The following GLDC variants were observed in gnomAD, a reference collection of about 807,000 sequenced individuals.
The protein encoded by GLDC is glycine decarboxylase.
GLDC carries 104 observed loss-of-function variants against 121.3 expected under a neutral mutation model. The observed-to-expected ratio is 0.86, with a 90% confidence interval of 0.73 to 1.01. The LOEUF (loss-of-function observed/expected upper bound fraction) is 1.01, where lower values mean the gene tolerates loss of function less well. Among genes scored for constraint, GLDC ranks in the 50% least tolerant of loss-of-function variants. The probability of loss-of-function intolerance (pLI) is 0.00; values close to 1 mark genes in which losing one functional copy is unlikely to be tolerated. For synonymous variants in GLDC, 546 were observed against 480.6 expected (o/e 1.14, Z -1.78); for missense variants, 1,429 against 1,306.6 (o/e 1.09, Z -1.44).
At chr9:6,534,613 G>T in intron 24 of GLDC, 95 bp downstream of exon 24, 1 of 733,052 alleles carries the variant, frequency 1.4e-6, no homozygotes, top group Non-Finnish European at 2.5e-6. Context: ...CCCCACATAT[G>T]GTTTCTGTAA....
At position 6,604,720 on chromosome 9, in the gene GLDC, C is replaced by A. The variant is rs750925978; in HGVS notation, c.926G>T (p.Gly309Val). The A allele has an allele frequency of 1.1e-5, 18 of 1,614,144 alleles. No homozygotes were observed. The East Asian group carries it at 3.1e-4, about 28-fold the overall frequency. ...LCILRPPGEF[G>V]VDIALGSSQR... is the part of the protein sequence containing the mutation. The stretch of plus-strand genomic sequence containing the variant: ...GGAGCTGCCCAGGGCGATGTCTACC[C>A]CAAATTCTCCAGGTGGCCTCAAGAT... Residue 309 changes from glycine (G) to valine (V), a missense_variant, in exon 7 of 25, where the codon GGG becomes GTG. By Grantham distance (109) the Gly-to-Val change is moderately radical. Coordinates refer to ENST00000321612, the MANE Select transcript of GLDC (RefSeq NM_000170.3).
chr9:6,585,604 C>T (rs1818253479), intron 15 of GLDC, among the ~76,000 whole-genome samples: 1 of 152,058 alleles, frequency 6.6e-6, no homozygotes, highest in Non-Finnish European at 1.5e-5. Context: ...AATGGCTTTG[C>T]TGTGTAGTCT....
At chr9:6,600,122 T>C (rs1818575045) in intron 8 of GLDC, among the ~76,000 whole-genome samples, 1 of 152,124 alleles carries the variant, frequency 6.6e-6, no homozygotes, top group Non-Finnish European at 1.5e-5. Flanking sequence ...ATCCTATCAC[T>C]ATGGGAGGCC....
At chr9:6,554,864 G>A (rs1817587751) in intron 18 of GLDC, 83 bp from the exon 19 acceptor site, 3 of 966,432 alleles carry the variant, frequency 3.1e-6, no homozygotes, top group Non-Finnish European at 4.9e-6. Context: ...GGCCGGTGCT[G>A]CCTTCTCCCC....
intron 7 of GLDC, 32 bp downstream of exon 7, chr9:6,604,556 C>T (rs1818690692): frequency 1.3e-6 from 2 of 1,561,596 alleles, no homozygotes; most frequent in Middle Eastern, 2.3e-4. Context: ...ATCATAATCA[C>T]AATAAAAGTA....
In GLDC at chr9:6,644,946, G is replaced by A. The variant is rs113238101; in HGVS notation, c.256-254C>T. On this transcript the variant is annotated intron_variant, in intron 1 of 24. Transcript: ENST00000321612. ...TAACCGGTAAGCCCACTCTTAATCA[G>A]GGGGTCTTCCTCCTCTTGCAAAGTT... The A allele has an allele frequency of 6.6e-6, 4 of 608,892 alleles. No homozygotes were observed. The East Asian group carries it at 8.2e-5, about 12-fold the overall frequency. 37.7% of individuals were successfully genotyped at this position (608,892 alleles called of 1,614,324 possible). A position where few individuals can be genotyped will look rare whatever the true frequency, so the allele number is the denominator to read the frequency against.
At chr9:6,622,317 A>G (rs911374083) in intron 2 of GLDC, among the ~76,000 whole-genome samples, 2 of 143,280 alleles carry the variant, frequency 1.4e-5, no homozygotes, top group African/African-American at 2.6e-5. Flanking sequence ...TGCTGCTGCC[A>G]TCTTGGCTCA....
chr9:6,564,187 G>A (rs1340385356), intron 16 of GLDC, among the ~76,000 whole-genome samples: 1 of 151,452 alleles, frequency 6.6e-6, no homozygotes, highest in Non-Finnish European at 1.5e-5. Flanking sequence ...GGCAGAGGTT[G>A]CAATGAGCCG....
intron 8 of GLDC, among the ~76,000 whole-genome samples, chr9:6,596,406 A>G (rs1423052879): frequency 6.6e-6 from 1 of 152,192 alleles, no homozygotes; most frequent in Non-Finnish European, 1.5e-5. Context: ...TAAAATAGAG[A>G]CCAAGAAAAT....
At chr9:6,583,295 C>T (rs559958400) in intron 15 of GLDC, among the ~76,000 whole-genome samples, 25 of 152,016 alleles carry the variant, frequency 1.6e-4, no homozygotes, top group African/African-American at 5.1e-4. Context: ...TCACTATAGC[C>T]GAAAGGATGG....
At chr9:6,633,493 A>G (rs190759115) in intron 2 of GLDC, among the ~76,000 whole-genome samples, 2 of 152,316 alleles carry the variant, frequency 1.3e-5, no homozygotes, top group African/African-American at 4.8e-5. Flanking sequence ...CTGCTCAAGC[A>G]AGACCCAATC....
At chr9:6,583,254 A>T (rs1181271767) in intron 15 of GLDC, among the ~76,000 whole-genome samples, 1 of 152,202 alleles carries the variant, frequency 6.6e-6, no homozygotes, top group African/African-American at 2.4e-5. Flanking sequence ...ACTCAACTAG[A>T]TACTTGTACA....
At position 6,554,721 on chromosome 9, in the gene GLDC, T is replaced by A; in HGVS notation, c.2263A>T (p.Thr755Ser). 2 of 1,613,186 alleles carry A rather than the reference T, an allele frequency of 1.2e-6. No individual in the cohort carries two copies. ...SDVSHLNLHK[T>S]FCIPHGGGGP... ...CCTCCTCCGTGGGGAATGCAGAAGG[T>A]CTTGTGAAGATTTAGGTGCGAGACA... is the stretch of plus-strand genomic sequence containing the variant. Residue 755 changes from threonine (T) to serine (S), a missense_variant, in exon 19 of 25, where the codon ACC becomes TCC. By Grantham distance (58) the Thr-to-Ser change is moderately conservative. Coordinates refer to ENST00000321612, the MANE Select transcript of GLDC (RefSeq NM_000170.3).
intron 15 of GLDC, among the ~76,000 whole-genome samples, chr9:6,576,940 G>A (rs1460856430): frequency 6.6e-6 from 1 of 152,138 alleles, no homozygotes; most frequent in Non-Finnish European, 1.5e-5. Flanking sequence ...ACATAACAGA[G>A]CCTTAAAAAC....
chr9:6,636,683 C>T (rs1255130862), intron 2 of GLDC, among the ~76,000 whole-genome samples: 6 of 151,722 alleles, frequency 4.0e-5, no homozygotes, highest in South Asian at 2.1e-4. Flanking sequence ...GGCTGAAGTG[C>T]GAGATCACTT....
intron 3 of GLDC, among the ~76,000 whole-genome samples, chr9:6,618,488 G>T (rs1169592721): frequency 1.3e-5 from 2 of 152,212 alleles, no homozygotes; most frequent in East Asian, 3.9e-4. Flanking sequence ...TGTATTTTTA[G>T]TAGAGACAGG....
intron 17 of GLDC, 76 bp downstream of exon 17, chr9:6,558,483 T>C: frequency 2.7e-6 from 4 of 1,504,506 alleles, no homozygotes; most frequent in Non-Finnish European, 3.7e-6. Context: ...GACATTTACA[T>C]AATCCATCAA....
rs386833575 is a variant in GLDC at position 6,534,707 on chromosome 9, C to G, written c.2919+1G>C. On this transcript the variant is annotated splice_donor_variant, in intron 24 of 24. Coordinates refer to ENST00000321612, the MANE Select transcript of GLDC (RefSeq NM_000170.3). LOFTEE classifies it high-confidence loss of function. ...GGCACATTCAGATTCAGAGAACTTA[C>G]GAGTGGGAATGCTGCCACCTCTCTG... 2 of 1,547,612 alleles carry G rather than the reference C, an allele frequency of 1.3e-6. No homozygotes were observed. The highest frequency in any genetic ancestry group is 1.8e-6 in the Non-Finnish European group (2 of 1,119,580).
At chr9:6,542,240 A>T (rs1418570558) in intron 21 of GLDC, 5 of 152,252 alleles carry the variant, frequency 3.3e-5, no homozygotes, top group Non-Finnish European at 7.3e-5. Flanking sequence ...CTCTGTCTCA[A>T]GGAAAAAAGA....
Sources: allele counts gnomAD v4.1 joint callset (sites outside exome capture counted in the v4.1 genomes callset), GRCh38; gene constraint gnomAD v4.1.1; transcripts MANE v1.5; gene names NCBI Gene and HGNC (gene_info 2026-07-23, HGNC 2026-07-21).